Variants in ZFPM2 observed in about 807,000 individuals in gnomAD.
ZFPM2 encodes the protein zinc finger protein, FOG family member 2, also known as zinc finger protein ZFPM2.
ZFPM2 carries 20 observed loss-of-function variants against 98.6 expected under a neutral mutation model. That is an observed-to-expected ratio of 0.20 (90% CI 0.14 to 0.29). The LOEUF is 0.29. Ranked by LOEUF, ZFPM2 falls within the 10% of genes least tolerant of loss-of-function variation. The pLI is 1.00. For missense variants in ZFPM2, 1,310 were observed against 1,388.6 expected (o/e 0.94, Z 0.90); for synonymous variants, 518 against 502.7 (o/e 1.03, Z -0.41).
At chr8:105,720,818 T>G (rs1211805353) in intron 5 of ZFPM2, among the ~76,000 whole-genome samples, 1 of 151,856 alleles carries the variant, frequency 6.6e-6, no homozygotes, top group African/African-American at 2.4e-5. Flanking sequence ...CTCAGCTCAC[T>G]TCCACATTTC....
intron 5 of ZFPM2, among the ~76,000 whole-genome samples, chr8:105,786,069 A>AC (rs1813407954): frequency 6.7e-6 from 1 of 148,844 alleles, no homozygotes; most frequent in Admixed American, 6.7e-5. Context: ...AAAAAAAAAA[A>AC]ATTAGCCAAG....
At chr8:105,434,789 G>C (rs991545970) in intron 2 of ZFPM2, among the ~76,000 whole-genome samples, 1 of 152,116 alleles carries the variant, frequency 6.6e-6, no homozygotes, top group African/African-American at 2.4e-5. Context: ...TTCTATAAGA[G>C]GTTAATATTG....
intron 3 of ZFPM2, among the ~76,000 whole-genome samples, chr8:105,534,155 CTCCT>C (rs1814387047): frequency 2.0e-5 from 1 of 49,356 alleles, no homozygotes; most frequent in Non-Finnish European, 3.7e-5. Flanking sequence ...TCCTTCCTCC[CTCCT>C]TTCTCTCTTC....
intron 4 of ZFPM2, among the ~76,000 whole-genome samples, chr8:105,629,119 G>C (rs2130830746): frequency 6.6e-6 from 1 of 152,322 alleles, no homozygotes; most frequent in East Asian, 1.9e-4. Flanking sequence ...CCTGCAAGAG[G>C]TGGAAAACAG....
chr8:105,704,148 G>A (rs1811205282), intron 5 of ZFPM2, among the ~76,000 whole-genome samples: 1 of 152,158 alleles, frequency 6.6e-6, no homozygotes, highest in Non-Finnish European at 1.5e-5. Flanking sequence ...TTTGGAATCA[G>A]AGGACTAAGT....
At chr8:105,532,395 GT>G (rs2130586900) in intron 3 of ZFPM2, among the ~76,000 whole-genome samples, 1 of 152,160 alleles carries the variant, frequency 6.6e-6, no homozygotes, top group Non-Finnish European at 1.5e-5. Context: ...AAAATTATTT[GT>G]TTCTGCCATC....
At chr8:105,740,774 A>G (rs1215387324) in intron 5 of ZFPM2, among the ~76,000 whole-genome samples, 4 of 151,926 alleles carry the variant, frequency 2.6e-5, no homozygotes, top group Admixed American at 1.3e-4. Context: ...TTATACTCCA[A>G]TAGGGAAAAG....
chr8:105,557,255 A>G (rs566242052), intron 3 of ZFPM2, among the ~76,000 whole-genome samples: 12 of 152,178 alleles, frequency 7.9e-5, no homozygotes, highest in Admixed American at 5.9e-4. Flanking sequence ...CTTTAATCCT[A>G]TGGCTTGTAT....
At position 105,346,333 on chromosome 8, in the gene ZFPM2, G is replaced by A. The variant is rs1270394752; in HGVS notation, c.40+27352G>A. Among the ~76,000 whole-genome samples, 62 of 150,974 alleles carry A rather than the reference G, an allele frequency of 4.1e-4. 1 individual carries two copies. Among genetic ancestry groups the A allele is most frequent in the African/African-American group, 1.5e-3 (62 of 41,100 alleles). On this transcript the variant is annotated intron_variant, in intron 1 of 7. Coordinates refer to ENST00000407775, the MANE Select transcript of ZFPM2 (RefSeq NM_012082.4). The stretch of plus-strand genomic sequence containing the variant: ...CGGGAGGCGGAGGTTGCAGTGAGCC[G>A]AGATCACGCCATTGCACTCCAGCCT...
chr8:105,418,630 A>G lies in ZFPM2; in HGVS notation c.41-514A>G, dbSNP rs761620247. On this transcript the variant is annotated intron_variant, in intron 1 of 7. Transcript: ENST00000407775. ...TATGTAATTTTTCTTCAAGCCTCAA[A>G]CACATATAATGAAATCTTTTCTCAG... is the stretch of plus-strand genomic sequence containing the variant. The G allele has an allele frequency of 7.7e-6, 4 of 518,530 alleles. No homozygotes were observed. In the East Asian group the frequency reaches 2.2e-4, roughly 28 times the overall value. 32.1% of individuals were successfully genotyped at this position (518,530 alleles called of 1,614,324 possible).
At chr8:105,550,016 A>C (rs1398316979) in intron 3 of ZFPM2, among the ~76,000 whole-genome samples, 1 of 152,132 alleles carries the variant, frequency 6.6e-6, no homozygotes, top group East Asian at 1.9e-4. Flanking sequence ...ACAACATTGA[A>C]AGTCTGATTA....
intron 1 of ZFPM2, among the ~76,000 whole-genome samples, chr8:105,331,745 C>T (rs1223239628): frequency 6.6e-6 from 1 of 151,658 alleles, no homozygotes; most frequent in African/African-American, 2.4e-5. Context: ...GGCTTTACAG[C>T]CCTATCAGAA....
Position 105,802,564 on chromosome 8 carries a change from G to A in ZFPM2, c.2482G>A (p.Val828Met), listed in dbSNP as rs267608262. 8 of 1,610,998 alleles carry A rather than the reference G, an allele frequency of 5.0e-6. No homozygotes were observed. The South Asian group carries it at 6.6e-5, about 13-fold the overall frequency. The change falls in exon 8 of 8, where the codon GTG becomes ATG. Residue 828 changes from valine (V) to methionine (M), a missense_variant. Transcript: ENST00000407775. ...HSSVSCLEMD[V>M]PIDLSKKCLS... Reference sequence around the variant, plus strand: ...CAGTGTTTCCTGCCTAGAGATGGACGTGCCCATAGATCTCAGCAAAAAGTG... The same window carrying A: ...CAGTGTTTCCTGCCTAGAGATGGACATGCCCATAGATCTCAGCAAAAAGTG...
chr8:105,377,054 A>G (rs1387248748), intron 1 of ZFPM2, among the ~76,000 whole-genome samples: 1 of 152,040 alleles, frequency 6.6e-6, no homozygotes, highest in African/African-American at 2.4e-5. Flanking sequence ...CAGACATGCC[A>G]TGTTTATTCC....
intron 1 of ZFPM2, among the ~76,000 whole-genome samples, chr8:105,360,517 C>T (rs1812836418): frequency 6.6e-6 from 1 of 152,060 alleles, no homozygotes; most frequent in Non-Finnish European, 1.5e-5. Flanking sequence ...TACATGCGCA[C>T]AATGTGCAAG....
At chr8:105,699,871 A>G (rs1811102324) in intron 5 of ZFPM2, among the ~76,000 whole-genome samples, 1 of 152,188 alleles carries the variant, frequency 6.6e-6, no homozygotes, top group Non-Finnish European at 1.5e-5. Flanking sequence ...GACTAATTTC[A>G]TTATTGTTTA....
chr8:105,514,779 C>A (rs889316190), intron 3 of ZFPM2, among the ~76,000 whole-genome samples: 3 of 152,106 alleles, frequency 2.0e-5, no homozygotes, highest in African/African-American at 7.2e-5. Flanking sequence ...TTTATGTCTC[C>A]CTGTGTGAAT....
At chr8:105,438,367 TG>T (rs573735598) in intron 2 of ZFPM2, among the ~76,000 whole-genome samples, 122 of 152,314 alleles carry the variant, frequency 8.0e-4, no homozygotes, top group African/African-American at 2.9e-3. Flanking sequence ...ACACAGTGCC[TG>T]GGCCTGAAAA....
chr8:105,766,034 T>C (rs1182809852), intron 5 of ZFPM2, among the ~76,000 whole-genome samples: 2 of 151,936 alleles, frequency 1.3e-5, no homozygotes, highest in African/African-American at 2.4e-5. Flanking sequence ...AACTATACTC[T>C]GTTATGTGGT....
Sources: allele counts gnomAD v4.1 joint callset (sites outside exome capture counted in the v4.1 genomes callset), GRCh38; gene constraint gnomAD v4.1.1; transcripts MANE v1.5; gene names NCBI Gene and HGNC (gene_info 2026-07-23, HGNC 2026-07-21).